PCSK5: variants seen among roughly 807,000 people sequenced by gnomAD.
PCSK5 encodes prohormone convertase 5.
A neutral mutation model predicts 233.2 loss-of-function variants in PCSK5; 129 were observed. That is an observed-to-expected ratio of 0.55 (90% CI 0.48 to 0.64). PCSK5 has a LOEUF of 0.64. Ranked by LOEUF, PCSK5 falls within the 30% of genes least tolerant of loss-of-function variation. The pLI is 0.00. For missense variants in PCSK5, 2,076 were observed against 2,430.1 expected, an observed-to-expected ratio of 0.85 and a Z score of 3.06; for synonymous variants, 825 against 879.2, an observed-to-expected ratio of 0.94 and a Z score of 1.09.
intron 24 of PCSK5, among the ~76,000 whole-genome samples, chr9:76,273,999 G>T (rs1220996198): frequency 1.3e-5 from 2 of 151,344 alleles, no homozygotes; most frequent in African/African-American, 4.9e-5. Context: ...ACATTTTCAA[G>T]GATTTTATTG....
intron 7 of PCSK5, among the ~76,000 whole-genome samples, chr9:76,077,087 C>T (rs1830669469): frequency 6.6e-6 from 1 of 152,134 alleles, no homozygotes; most frequent in Admixed American, 6.5e-5. Context: ...GAAGACAAAA[C>T]ATAGGCTTCA....
chr9:76,321,380 G>A (rs1335466804), intron 30 of PCSK5, 42 bp from the exon 31 acceptor site: 2 of 1,058,512 alleles, frequency 1.9e-6, no homozygotes, highest in African/African-American at 3.1e-5. Flanking sequence ...CACTTCTCCA[G>A]CAGGTCAGCT....
Position 76,328,037 on chromosome 9 carries a change from A to G in PCSK5, c.4368A>G (p.Ser1456=). ...RDCHKSCLTC[S]SSGTCTTCQK... is the part of the protein sequence containing the mutation. ...GCCACAAGTCCTGCTTGACCTGCTC[A>G]TCATCTGGGACCTGCACCACCTGTC... The change falls in exon 33 of 38, where the codon TCA becomes TCG. Residue 1456 remains serine, a synonymous_variant. Transcript: ENST00000674117. 1 of 1,612,534 alleles carries G rather than the reference A, an allele frequency of 6.2e-7. No individual in the cohort carries two copies. The highest frequency in any genetic ancestry group is 1.7e-4 in the Middle Eastern group (1 of 6,048).
intron 5 of PCSK5, among the ~76,000 whole-genome samples, chr9:76,044,015 A>G (rs1563991466): frequency 6.6e-6 from 1 of 152,210 alleles, no homozygotes; most frequent in South Asian, 2.1e-4. Flanking sequence ...TTTTAAATAA[A>G]AAAGGGTGGC....
chr9:76,214,770 T>A (rs1298691458), intron 20 of PCSK5, among the ~76,000 whole-genome samples: 4 of 152,188 alleles, frequency 2.6e-5, no homozygotes, highest in Non-Finnish European at 2.9e-5. Context: ...CTGCTTACAT[T>A]TCCTGAGCCT....
At chr9:76,143,513 TATG>T (rs1296034413) in intron 10 of PCSK5, among the ~76,000 whole-genome samples, 2 of 152,174 alleles carry the variant, frequency 1.3e-5, no homozygotes, top group Non-Finnish European at 2.9e-5. Flanking sequence ...CCATTGTTCC[TATG>T]ATATGTCTTA....
At chr9:76,055,306 G>A (rs1158429402) in intron 5 of PCSK5, among the ~76,000 whole-genome samples, 7 of 151,922 alleles carry the variant, frequency 4.6e-5, no homozygotes, top group East Asian at 1.9e-4. Flanking sequence ...TTAAGGCCTC[G>A]TGGACTTCAT....
At chr9:76,193,426 A>ACC in intron 20 of PCSK5, 1 of 987,204 alleles carries the variant, frequency 1.0e-6, no homozygotes, top group Non-Finnish European at 1.4e-6. Flanking sequence ...AAAAGCCAAA[A>ACC]AGAAAAAAAA....
At chr9:76,005,587 G>A (rs1293750819) in intron 3 of PCSK5, among the ~76,000 whole-genome samples, 2 of 152,240 alleles carry the variant, frequency 1.3e-5, no homozygotes, top group South Asian at 2.1e-4. Context: ...CTACCAATGA[G>A]TGTGCAGGTA....
At chr9:76,216,015 A>G (rs779273991) in intron 20 of PCSK5, among the ~76,000 whole-genome samples, 1 of 152,166 alleles carries the variant, frequency 6.6e-6, no homozygotes, top group Non-Finnish European at 1.5e-5. Context: ...AGGCACTGCA[A>G]TCGGCTCTTC....
chr9:76,337,101 C>A (rs1829698212), intron 34 of PCSK5, among the ~76,000 whole-genome samples: 1 of 138,954 alleles, frequency 7.2e-6, no homozygotes, highest in African/African-American at 2.6e-5. Flanking sequence ...CTTGTCACCT[C>A]CTATTTCAAA....
chr9:76,124,247 A>G (rs971034148), intron 9 of PCSK5, among the ~76,000 whole-genome samples: 1 of 152,184 alleles, frequency 6.6e-6, no homozygotes, highest in East Asian at 1.9e-4. Flanking sequence ...TAAAAGGGGA[A>G]TAATAATGCT....
chr9:76,339,273 T>A (rs374630883), intron 35 of PCSK5, among the ~76,000 whole-genome samples: 10 of 152,084 alleles, frequency 6.6e-5, no homozygotes, highest in African/African-American at 2.4e-4. Flanking sequence ...TCTAGAAAAA[T>A]ATTATTAGCT....
At chr9:76,096,884 G>A (rs986994875) in intron 8 of PCSK5, among the ~76,000 whole-genome samples, 2 of 151,210 alleles carry the variant, frequency 1.3e-5, no homozygotes, top group African/African-American at 4.9e-5. Flanking sequence ...TTACAGGCGT[G>A]AGCCACTGCG....
chr9:76,269,509 G>T (rs1432965508), intron 24 of PCSK5, among the ~76,000 whole-genome samples: 1 of 152,150 alleles, frequency 6.6e-6, no homozygotes, highest in Non-Finnish European at 1.5e-5. Flanking sequence ...CTTAAAAAGG[G>T]TATTAAAGAA....
intron 9 of PCSK5, among the ~76,000 whole-genome samples, chr9:76,128,774 G>A (rs1237690927): frequency 6.6e-6 from 1 of 152,146 alleles, no homozygotes; most frequent in African/African-American, 2.4e-5. Context: ...TGGTTCAGGT[G>A]TGGAGGAATC....
intron 20 of PCSK5, 50 bp downstream of exon 20, chr9:76,189,796 TAC>T: frequency 1.5e-6 from 1 of 671,648 alleles, no homozygotes; most frequent in South Asian, 1.7e-5. Context: ...ATGATCTTTC[TAC>T]TTTCAGGACT....
chr9:76,193,480 C>CTT, intron 20 of PCSK5: 1 of 686,956 alleles, frequency 1.5e-6, no homozygotes, highest in Non-Finnish European at 2.3e-6. Context: ...CTCTCTTTTT[C>CTT]TTTCTCTCTC....
At chr9:76,133,452 G>C (rs1822843231) in intron 9 of PCSK5, among the ~76,000 whole-genome samples, 1 of 152,002 alleles carries the variant, frequency 6.6e-6, no homozygotes, top group Non-Finnish European at 1.5e-5. Flanking sequence ...AGTGCTAGTA[G>C]CCATAAGAAC....
Sources: allele counts gnomAD v4.1 joint callset (sites outside exome capture counted in the v4.1 genomes callset), GRCh38; gene constraint gnomAD v4.1.1; transcripts MANE v1.5; gene names NCBI Gene and HGNC (gene_info 2026-07-23, HGNC 2026-07-21).